NCOA2: variants seen among roughly 807,000 people sequenced by gnomAD.
NCOA2 encodes class E basic helix-loop-helix protein 75.
NCOA2 carries 21 observed loss-of-function variants against 145.1 expected under a neutral mutation model. The ratio of observed to expected loss-of-function variants is 0.14; its 90% CI spans 0.10 to 0.21. The LOEUF is 0.21. Among genes scored for constraint, NCOA2 ranks in the 10% least tolerant of loss-of-function variants. The probability of loss-of-function intolerance (pLI) is 1.00; values close to 1 mark genes in which losing one functional copy is unlikely to be tolerated. For synonymous variants in NCOA2, 619 were observed against 637.5 expected, an observed-to-expected ratio of 0.97 and a Z score of 0.44; for missense variants, 1,472 against 1,837.6, an observed-to-expected ratio of 0.80 and a Z score of 3.64.
rs370956499 is a variant in NCOA2, at chr8:70,156,663, T to G, written c.1702A>C (p.Asn568His). The G allele has an allele frequency of 2.6e-5, 42 of 1,613,848 alleles. No individual in the cohort carries two copies. The African/African-American group carries it at 4.9e-4, about 19-fold the overall frequency. The change falls in exon 11 of 23, where the codon AAT (asparagine) becomes CAT (histidine). Residue 568 changes from asparagine to histidine, a missense_variant. Transcript: ENST00000452400. The stretch of plus-strand genomic sequence containing the variant: ...TTGCTGAGTGGGGGAGGATTCATAT[T>G]AACTGGGGAGTTTTGCAAATTGCCC... ...KMGNLQNSPV[N>H]MNPPPLSKMG... is the part of the protein sequence containing the mutation.
intron 15 of NCOA2, among the ~76,000 whole-genome samples, chr8:70,133,971 C>T (rs1230085601): frequency 6.6e-6 from 1 of 152,210 alleles, no homozygotes; most frequent in Non-Finnish European, 1.5e-5. Context: ...CCCCGACTTC[C>T]TCACTGCAGG....
intron 2 of NCOA2, among the ~76,000 whole-genome samples, chr8:70,243,274 G>A (rs1454619707): frequency 6.6e-6 from 1 of 152,080 alleles, no homozygotes; most frequent in Non-Finnish European, 1.5e-5. Flanking sequence ...ATGCAGACCA[G>A]TTAAAACTAC....
In NCOA2 at chr8:70,229,336, C is replaced by A. The variant is rs540471081; in HGVS notation, c.-19-12572G>T. Among the ~76,000 whole-genome samples the A allele has an allele frequency of 3.9e-5, 6 of 152,210 alleles. No homozygotes were observed. The South Asian group carries it at 1.2e-3, about 32-fold the overall frequency. On this transcript the variant is annotated intron_variant, in intron 2 of 22. Coordinates refer to ENST00000452400, the MANE Select transcript of NCOA2 (RefSeq NM_006540.4). ...TACAAGTATGGAATTAATTAACATA[C>A]AAGACAATATACATAAAAAATACAA... is the stretch of plus-strand genomic sequence containing the variant.
intron 2 of NCOA2, among the ~76,000 whole-genome samples, chr8:70,277,472 T>C (rs1311284819): frequency 1.3e-5 from 2 of 152,186 alleles, no homozygotes; most frequent in African/African-American, 4.8e-5. Context: ...TAAATGAAAC[T>C]AATCCTGAAA....
intron 2 of NCOA2, among the ~76,000 whole-genome samples, chr8:70,218,797 A>G (rs1325427970): frequency 6.6e-6 from 1 of 152,206 alleles, no homozygotes; most frequent in African/African-American, 2.4e-5. Flanking sequence ...TACAAACTTA[A>G]GAAAGTTTCT....
chr8:70,378,040 A>G (rs1811835147), intron 1 of NCOA2, among the ~76,000 whole-genome samples: 1 of 152,186 alleles, frequency 6.6e-6, no homozygotes, highest in South Asian at 2.1e-4. Context: ...GAACCATGAG[A>G]CTGCAAGTAA....
chr8:70,216,404 ATAT>A (rs147573261), intron 3 of NCOA2, among the ~76,000 whole-genome samples: 4,222 of 152,318 alleles, frequency 0.028, 215 homozygotes, highest in African/African-American at 0.096. Context: ...ATCAAACTCA[ATAT>A]TATTAAATAA....
intron 2 of NCOA2, among the ~76,000 whole-genome samples, chr8:70,294,638 A>G (rs1826943731): frequency 6.6e-6 from 1 of 152,242 alleles, no homozygotes. Context: ...TCAAATATGA[A>G]TATGATTTTC....
intron 2 of NCOA2, among the ~76,000 whole-genome samples, chr8:70,230,279 G>A (rs1821020277): frequency 6.6e-6 from 1 of 152,156 alleles, no homozygotes; most frequent in African/African-American, 2.4e-5. Context: ...AAGCAGATCC[G>A]TAGAAACAGA....
intron 2 of NCOA2, among the ~76,000 whole-genome samples, chr8:70,293,163 AT>A (rs1563731700): frequency 6.6e-6 from 1 of 152,188 alleles, no homozygotes; most frequent in Non-Finnish European, 1.5e-5. Context: ...AAAGATATAT[AT>A]TTCAGTATTC....
At chr8:70,420,889 T>C in the NCOA2 span, among the ~76,000 whole-genome samples, 4 of 152,202 alleles carry the variant, frequency 2.6e-5, no homozygotes, top group African/African-American at 9.6e-5. Context: ...ATGATCTGCC[T>C]GCGTTGGCCT....
Position 70,113,646 on chromosome 8 carries a change from G to C in NCOA2, c.4384-3C>G. On this transcript the variant is annotated splice_polypyrimidine_tract_variant and splice_region_variant and intron_variant, in intron 22 of 22. Coordinates refer to ENST00000452400, the MANE Select transcript of NCOA2 (RefSeq NM_006540.4). ...CTTCAGCAGTGTCAGCAATATTTCTGTAGGAAAACAGATAAAAAGTTGTGA... is the reference window on the plus strand; with the variant it reads ...CTTCAGCAGTGTCAGCAATATTTCTCTAGGAAAACAGATAAAAAGTTGTGA... 1 of 1,551,726 alleles carries C rather than the reference G, an allele frequency of 6.4e-7. No individual in the cohort carries two copies. Among genetic ancestry groups the C allele is most frequent in the Non-Finnish European group, 8.7e-7 (1 of 1,146,952 alleles).
At chr8:70,379,829 C>CAATT (rs35797233) in intron 1 of NCOA2, among the ~76,000 whole-genome samples, 55,951 of 151,682 alleles carry the variant, frequency 0.37, 12,465 homozygotes, top group East Asian at 0.7. Flanking sequence ...CTGATTCTAT[C>CAATT]GTTTCTGTAT....
At chr8:70,128,670 CCT>C (rs779849998) in intron 17 of NCOA2, 30 bp downstream of exon 17, 12 of 1,608,324 alleles carry the variant, frequency 7.5e-6, no homozygotes, top group Middle Eastern at 3.3e-4. Flanking sequence ...ACCCAGCACC[CCT>C]GACTTCCCAG....
intron 1 of NCOA2, among the ~76,000 whole-genome samples, chr8:70,365,286 C>T (rs1317251531): frequency 2.6e-5 from 4 of 152,092 alleles, no homozygotes; most frequent in Non-Finnish European, 5.9e-5. Flanking sequence ...GAGCCACGAT[C>T]GCACCACTGC....
At chr8:70,399,171 T>C (rs1813986023) in intron 1 of NCOA2, among the ~76,000 whole-genome samples, 2 of 152,212 alleles carry the variant, frequency 1.3e-5, no homozygotes. Flanking sequence ...TTTCATAGCT[T>C]TTCCAGCCAT....
intron 1 of NCOA2, among the ~76,000 whole-genome samples, chr8:70,397,481 G>A (rs1340235588): frequency 4.0e-5 from 6 of 149,054 alleles, no homozygotes; most frequent in African/African-American, 1.5e-4. Flanking sequence ...AAAAAAAAGA[G>A]CAAGAACAAG....
At chr8:70,116,819 G>T (rs1807189074) in intron 22 of NCOA2, among the ~76,000 whole-genome samples, 1 of 152,170 alleles carries the variant, frequency 6.6e-6, no homozygotes, top group African/African-American at 2.4e-5. Flanking sequence ...TCAAGAGGGG[G>T]ACTAGAAAAA....
intron 1 of NCOA2, among the ~76,000 whole-genome samples, chr8:70,335,456 TAAC>T (rs1807503545): frequency 6.6e-6 from 1 of 152,176 alleles, no homozygotes; most frequent in South Asian, 2.1e-4. Flanking sequence ...ACAACACACA[TAAC>T]AAAAATTTGC....
Sources: allele counts gnomAD v4.1 joint callset (sites outside exome capture counted in the v4.1 genomes callset), GRCh38; gene constraint gnomAD v4.1.1; transcripts MANE v1.5; gene names NCBI Gene and HGNC (gene_info 2026-07-23, HGNC 2026-07-21).